The following TMEM62 variants were observed in gnomAD, a reference collection of about 807,000 sequenced individuals.
TMEM62 encodes transmembrane protein 62.
TMEM62 carries 41 observed loss-of-function variants against 70.4 expected under a neutral mutation model. That is an observed-to-expected ratio of 0.58 (90% confidence interval 0.45 to 0.76). TMEM62 has a LOEUF of 0.76. Ranked by LOEUF, TMEM62 falls within the 30% of genes least tolerant of loss-of-function variation. TMEM62 has a pLI of 0.00. For missense variants in TMEM62, 688 were observed against 788.5 expected (o/e 0.87, Z 1.53); for synonymous variants, 268 against 291.0 (o/e 0.92, Z 0.80).
At chr15:43,168,418 C>T (rs1406809253) in intron 10 of TMEM62, among the ~76,000 whole-genome samples, 2 of 152,036 alleles carry the variant, frequency 1.3e-5, no homozygotes, top group Admixed American at 1.3e-4. Context: ...CCCAGGGGCT[C>T]TTTAGTCAGC....
chr15:43,143,483 T>G (rs994982660), intron 4 of TMEM62, among the ~76,000 whole-genome samples: 102 of 152,276 alleles, frequency 6.7e-4, no homozygotes, highest in African/African-American at 2.3e-3. Context: ...TGCAGTTTAA[T>G]GCTTTGTTTT....
intron 10 of TMEM62, among the ~76,000 whole-genome samples, chr15:43,165,509 G>A (rs567579186): frequency 2.0e-5 from 3 of 152,142 alleles, no homozygotes; most frequent in South Asian, 4.1e-4. Flanking sequence ...CGAGGTGGGC[G>A]GATCACAAGG....
Position 43,133,884 on chromosome 15 carries a change from C to A in TMEM62, c.82C>A (p.Leu28Met), listed in dbSNP as rs754802072. The change falls in exon 1 of 14, where the codon CTG becomes ATG. Residue 28 changes from leucine (L) to methionine (M), a missense_variant. Leu to Met is a conservative substitution (Grantham distance 15). Coordinates refer to ENST00000260403, the MANE Select transcript of TMEM62 (RefSeq NM_024956.4). ...LVAMLLEHYG[L>M]AGQPSPLPRP... The stretch of plus-strand genomic sequence containing the variant: ...GGCCATGCTCTTGGAGCACTACGGC[C>A]TGGCGGGCCAGCCCTCGCCGCTGCC... 6.7e-6 allele frequency: 10 copies of A among 1,501,044 alleles called. No individual in the cohort carries two copies. The South Asian group carries it at 8.7e-5, about 13-fold the overall frequency. 93.0% of individuals were successfully genotyped at this position (1,501,044 alleles called of 1,614,324 possible).
chr15:43,141,923 T>A (rs1437954331), intron 4 of TMEM62, among the ~76,000 whole-genome samples: 1 of 152,142 alleles, frequency 6.6e-6, no homozygotes, highest in Non-Finnish European at 1.5e-5. Flanking sequence ...GTGACTAAAT[T>A]GCTGCAATCT....
chr15:43,138,481 G>A, intron 3 of TMEM62, 93 bp from the exon 4 acceptor site: 1 of 1,039,648 alleles, frequency 9.6e-7, no homozygotes, highest in East Asian at 2.4e-5. Context: ...AATTGTTATA[G>A]AAAGAATTAT....
intron 10 of TMEM62, 63 bp from the exon 11 acceptor site, chr15:43,169,530 T>C: frequency 7.0e-7 from 1 of 1,426,792 alleles, no homozygotes; most frequent in Non-Finnish European, 9.8e-7. Context: ...AAGGCTACTT[T>C]AAAAATCTTA....
intron 10 of TMEM62, among the ~76,000 whole-genome samples, chr15:43,164,332 T>C (rs1181515907): frequency 6.6e-6 from 1 of 152,226 alleles, no homozygotes; most frequent in Non-Finnish European, 1.5e-5. Context: ...TTTAGTCTTC[T>C]TACTCAAGAT....
At chr15:43,168,222 T>C (rs1010423720) in intron 10 of TMEM62, among the ~76,000 whole-genome samples, 3 of 136,324 alleles carry the variant, frequency 2.2e-5, no homozygotes, top group African/African-American at 8.4e-5. Flanking sequence ...AGAGGGGTCT[T>C]TTGTTTTCTT....
rs1169921008 is a variant in TMEM62, at chr15:43,162,433, C to CTTTTTTTTTTTTTTTT, written c.1296+1652_1296+1653insTTTTTTTTTTTTTTTT. ...CAGGCGTGAGCCACTGCCCCTGGCC[C>CTTTTTTTTTTTTTTTT]TTTTTTTTTTTTTGTTGAGCTGGAG... On this transcript the variant is annotated intron_variant, in intron 10 of 13. Transcript: ENST00000260403. Among the ~76,000 whole-genome samples the CTTTTTTTTTTTTTTTT allele has an allele frequency of 1.2e-3, 169 of 136,996 alleles. 2 individuals are homozygous for CTTTTTTTTTTTTTTTT. The highest frequency in any genetic ancestry group is 4.9e-3 in the African/African-American group (161 of 32,536). The allele number at this position is 136,996 out of a possible 152,430, so 89.9% of individuals were successfully genotyped here. A position where few individuals can be genotyped will look rare whatever the true frequency, so the allele number is the denominator to read the frequency against.
rs1391660764 is a variant in TMEM62 at position 43,167,308 on chromosome 15, A to G, written c.1297-2285A>G. 4.9e-5 allele frequency among the ~76,000 whole-genome samples: 7 copies of G among 141,696 alleles called. No homozygotes were observed. In the South Asian group the frequency reaches 9.5e-4, roughly 19 times the overall value. 93.0% of individuals were successfully genotyped at this position (141,696 alleles called of 152,430 possible). A position where few individuals can be genotyped will look rare whatever the true frequency, so the allele number is the denominator to read the frequency against. Reference sequence around the variant, plus strand: ...CGGACGGGGTGGCTGCCGGGCGGAGACGCTCCTCACTTCCCAGACGGGGTG... The same window carrying G: ...CGGACGGGGTGGCTGCCGGGCGGAGGCGCTCCTCACTTCCCAGACGGGGTG... On this transcript the variant is annotated intron_variant, in intron 10 of 13. Coordinates refer to ENST00000260403, the MANE Select transcript of TMEM62 (RefSeq NM_024956.4).
chr15:43,152,071 A>T, intron 8 of TMEM62, 126 bp downstream of exon 8: 1 of 531,102 alleles, frequency 1.9e-6, no homozygotes, highest in Non-Finnish European at 3.1e-6. Flanking sequence ...CCTAAACATT[A>T]TATAAAGATA....
In TMEM62 at chr15:43,181,352, G is replaced by A. The variant is rs1468758970; in HGVS notation, c.1605+53G>A. 6 of 1,136,614 alleles carry A rather than the reference G, an allele frequency of 5.3e-6. No individual in the cohort carries two copies. The African/African-American group carries it at 9.2e-5, about 17-fold the overall frequency. 70.4% of individuals were successfully genotyped at this position (1,136,614 alleles called of 1,614,324 possible). A position where few individuals can be genotyped will look rare whatever the true frequency, so the allele number is the denominator to read the frequency against. On this transcript the variant is annotated intron_variant, in intron 13 of 13. Transcript: ENST00000260403. ...ACATCTTGGACTTGTCAGACTAATT[G>A]CATAACAGTTATGAATTAAATCCAA... is the stretch of plus-strand genomic sequence containing the variant.
At position 43,184,052 on chromosome 15, in the gene TMEM62, A is replaced by T. The variant is rs571380382; in HGVS notation, c.1606-208A>T. ...TTGGGACTTCAGCATAAATTAAATG[A>T]TACCTGCCTCTAAGATGAATAAAAG... On this transcript the variant is annotated intron_variant, in intron 13 of 13. Coordinates refer to ENST00000260403, the MANE Select transcript of TMEM62 (RefSeq NM_024956.4). The T allele has an allele frequency of 6.1e-5, 36 of 593,440 alleles. No homozygotes were observed. In the African/African-American group the frequency reaches 6.3e-4, roughly 10 times the overall value. 36.8% of individuals were successfully genotyped at this position (593,440 alleles called of 1,614,324 possible).
At position 43,178,615 on chromosome 15, in the gene TMEM62, G is replaced by C. The variant is rs181109078; in HGVS notation, c.1390G>C (p.Gly464Arg). Reference protein sequence around the residue: ...RGYPELKEPSGFINLTSFSLH... With the variant: ...RGYPELKEPSRFINLTSFSLH... ...AACTTTATGTTTTTTAGAACCTTCA[G>C]GGTTTATAAATCTGACCTCATTTTC... Residue 464 changes from glycine (G) to arginine (R), a missense_variant, in exon 12 of 14, where the codon GGG (glycine) becomes CGG (arginine). Coordinates refer to ENST00000260403, the MANE Select transcript of TMEM62 (RefSeq NM_024956.4). The C allele has an allele frequency of 3.7e-6, 6 of 1,605,100 alleles. No individual in the cohort carries two copies. In the East Asian group the frequency reaches 8.9e-5, roughly 24 times the overall value.
At chr15:43,157,571 CAA>C (rs1057243398) in intron 9 of TMEM62, among the ~76,000 whole-genome samples, 2 of 151,874 alleles carry the variant, frequency 1.3e-5, no homozygotes, top group African/African-American at 4.8e-5. Context: ...TTTAAATATA[CAA>C]AAGAGATAAT....
Position 43,134,001 on chromosome 15 carries a change from G to C in TMEM62, c.180+19G>C. 1 of 1,435,648 alleles carries C rather than the reference G, an allele frequency of 7.0e-7. No homozygotes were observed. Among genetic ancestry groups the C allele is most frequent in the Non-Finnish European group, 9.1e-7 (1 of 1,100,132 alleles). The allele number at this position is 1,435,648 out of a possible 1,614,324, so 88.9% of individuals were successfully genotyped here. On this transcript the variant is annotated intron_variant, in intron 1 of 13. Transcript: ENST00000260403. ...CCTGCAGGTGACGCGGCGGGAAGCC[G>C]GGCCGGGAGGCAGGTGCAGATCGGG...
rs538743429 is a variant in TMEM62, at chr15:43,165,760, A to AAAAT, written c.1297-3808_1297-3805dup. On this transcript the variant is annotated intron_variant, in intron 10 of 13. Coordinates refer to ENST00000260403, the MANE Select transcript of TMEM62 (RefSeq NM_024956.4). Reference sequence around the variant, plus strand: ...AAAAAAAATAAAATAAATTAAATAAAAAATAAATAAATAAATAAATAAATA... The same window carrying AAAAT: ...AAAAAAAATAAAATAAATTAAATAAAAAATAAATAAATAAATAAATAAATAAATA... 4.7e-3 allele frequency among the ~76,000 whole-genome samples: 712 copies of AAAAT among 151,770 alleles called. 3 individuals are homozygous for AAAAT. The highest frequency in any genetic ancestry group is 6.8e-3 in the Middle Eastern group (2 of 292).
rs148799713 is a variant in TMEM62, at chr15:43,159,449, A to G, written c.1183-1232A>G. Among the ~76,000 whole-genome samples, 588 of 152,200 alleles carry G rather than the reference A, an allele frequency of 3.9e-3. 2 individuals carry two copies. Among genetic ancestry groups the G allele is most frequent in the African/African-American group, 0.014 (561 of 41,524 alleles). On this transcript the variant is annotated intron_variant, in intron 9 of 13. Transcript: ENST00000260403. ...TCTACTCTCTGTATCCATGAGTTCA[A>G]TTGTTTTGATATTTGGATCCAACAA...
At chr15:43,156,981 T>C (rs947650559) in intron 9 of TMEM62, among the ~76,000 whole-genome samples, 21 of 152,310 alleles carry the variant, frequency 1.4e-4, no homozygotes, top group African/African-American at 5.1e-4. Context: ...CTACTGAGTA[T>C]TAAATAGGGA....
Sources: allele counts gnomAD v4.1 joint callset (sites outside exome capture counted in the v4.1 genomes callset), GRCh38; gene constraint gnomAD v4.1.1; transcripts MANE v1.5; gene names NCBI Gene and HGNC (gene_info 2026-07-23, HGNC 2026-07-21).